SPTA1: variants seen among roughly 807,000 people sequenced by gnomAD.
SPTA1 encodes spectrin alpha, erythrocytic 1, also known as spectrin alpha chain, erythrocytic 1.
SPTA1 carries 177 observed loss-of-function variants against 324.7 expected under a neutral mutation model. The observed-to-expected ratio is 0.55, with a 90% CI of 0.48 to 0.62. SPTA1 has a LOEUF of 0.62. Ranked by LOEUF, SPTA1 falls within the 20% of genes least tolerant of loss-of-function variation. The pLI, the probability that SPTA1 is intolerant of heterozygous loss-of-function variation, is 0.00. For missense variants in SPTA1, 3,162 were observed against 2,883.6 expected, an observed-to-expected ratio of 1.10 and a Z score of -2.21; for synonymous variants, 1,195 against 1,041.3, an observed-to-expected ratio of 1.15 and a Z score of -2.84.
In SPTA1 at chr1:158,657,588, A is replaced by G; in HGVS notation, c.2694T>C (p.Asn898=). The G allele has an allele frequency of 6.2e-7, 1 of 1,614,066 alleles. No homozygotes were observed. Among genetic ancestry groups the G allele is most frequent in the Non-Finnish European group, 8.5e-7 (1 of 1,179,996 alleles). ...CAGCCAGGTACTGCTGGAACTGGAC[A>G]TTGGCTTCAAGATCATTTTGTCGCC... The part of the protein sequence containing the change: ...AARRQNDLEA[N]VQFQQYLADL... The change falls in exon 19 of 52, where the codon AAT becomes AAC. Residue 898 remains asparagine (N), a synonymous_variant. Coordinates refer to ENST00000643759, the MANE Select transcript of SPTA1 (RefSeq NM_003126.4).
At chr1:158,647,332 T>G (rs959913739) in intron 27 of SPTA1, among the ~76,000 whole-genome samples, 1 of 152,228 alleles carries the variant, frequency 6.6e-6, no homozygotes, top group Non-Finnish European at 1.5e-5. Flanking sequence ...AGAAGCTTAC[T>G]TAATTGGCCT....
intron 35 of SPTA1, chr1:158,639,187 G>T: frequency 4.1e-6 from 1 of 241,940 alleles, no homozygotes; most frequent in South Asian, 5.5e-5. Context: ...TTTCCAGAGT[G>T]TTTGTGTAGT....
At chr1:158,660,187 C>T (rs924852345) in intron 18 of SPTA1, among the ~76,000 whole-genome samples, 1 of 152,078 alleles carries the variant, frequency 6.6e-6, no homozygotes, top group Non-Finnish European at 1.5e-5. Flanking sequence ...TTGATGATTG[C>T]ACTAAGTGTA....
At chr1:158,683,712 A>G (rs896825230) in intron 2 of SPTA1, among the ~76,000 whole-genome samples, 1 of 152,108 alleles carries the variant, frequency 6.6e-6, no homozygotes, top group Non-Finnish European at 1.5e-5. Flanking sequence ...CTTATTTTAA[A>G]GGCTCAATAG....
intron 18 of SPTA1, among the ~76,000 whole-genome samples, chr1:158,659,330 G>C (rs1653038242): frequency 6.6e-6 from 1 of 152,008 alleles, no homozygotes; most frequent in African/African-American, 2.4e-5. Flanking sequence ...TCCTGGAATA[G>C]TGGCTTTCAA....
chr1:158,615,546 C>T, intron 47 of SPTA1, 143 bp from the exon 48 acceptor site: 1 of 754,534 alleles, frequency 1.3e-6, no homozygotes, highest in Non-Finnish European at 2.2e-6. Flanking sequence ...TTGGGAAAAC[C>T]ACTTCACTTC....
In SPTA1 at chr1:158,611,122, C is replaced by T. The variant is rs1649226334; in HGVS notation, c.*142G>A. The T allele has an allele frequency of 2.8e-6, 3 of 1,070,328 alleles. No individual in the cohort carries two copies. The East Asian group carries it at 7.9e-5, about 28-fold the overall frequency. 66.3% of individuals were successfully genotyped at this position (1,070,328 alleles called of 1,614,324 possible). ...TCCTACAATAAATGTAATATGCACA[C>T]AAACACAAGCACACACACACACACA... On this transcript the variant is annotated 3_prime_UTR_variant, in exon 52 of 52. Transcript: ENST00000643759.
rs750768187 is a variant in SPTA1, at chr1:158,649,958, C to A, written c.3478-11G>T. On this transcript the variant is annotated splice_polypyrimidine_tract_variant and intron_variant, in intron 24 of 51. Transcript: ENST00000643759. The stretch of plus-strand genomic sequence containing the variant: ...GCGGGAATTCAATTCCTAAAAGAGG[C>A]AAAAACATCAGACTTGAGACAGAGA... 2 of 1,592,660 alleles carry A rather than the reference C, an allele frequency of 1.3e-6. No homozygotes were observed. Among genetic ancestry groups the A allele is most frequent in the Non-Finnish European group, 1.7e-6 (2 of 1,161,784 alleles).
At chr1:158,674,915 T>A (rs953957694) in intron 8 of SPTA1, among the ~76,000 whole-genome samples, 3 of 152,130 alleles carry the variant, frequency 2.0e-5, no homozygotes, top group African/African-American at 7.2e-5. Flanking sequence ...ATGTGACCCA[T>A]GAGCATTACA....
intron 2 of SPTA1, among the ~76,000 whole-genome samples, chr1:158,684,257 A>G (rs1479739350): frequency 1.3e-5 from 2 of 152,012 alleles, no homozygotes; most frequent in African/African-American, 4.8e-5. Context: ...TTTAGGAAAA[A>G]CTTAAGAGCC....
At chr1:158,638,328 G>A in intron 35 of SPTA1, 87 bp from the exon 36 acceptor site, 1 of 1,305,574 alleles carries the variant, frequency 7.7e-7, no homozygotes, top group Non-Finnish European at 1.1e-6. Flanking sequence ...CTGGCTCAAA[G>A]ACTGGGCCAA....
In SPTA1 at chr1:158,653,402, A is replaced by G. The variant is rs1210331405; in HGVS notation, c.3060T>C (p.Ala1020=). The G allele has an allele frequency of 6.2e-7, 1 of 1,614,008 alleles. No individual in the cohort carries two copies. The highest frequency in any genetic ancestry group is 1.3e-5 in the African/African-American group (1 of 74,918). ...INKDWWKVEA[A]DHQGIVPAVY... ...CAGCTGGGACAATGCCCTGATGATC[A>G]GCAGCTTCCACCTTCCACCAGTCCT... The change falls in exon 22 of 52, where the codon GCT becomes GCC. Residue 1020 remains alanine (A), a synonymous_variant. Coordinates refer to ENST00000643759, the MANE Select transcript of SPTA1 (RefSeq NM_003126.4).
In SPTA1 at chr1:158,666,354, T is replaced by C. The variant is rs200438116; in HGVS notation, c.2182A>G (p.Lys728Glu). The C allele has an allele frequency of 6.1e-5, 98 of 1,613,932 alleles. 2 individuals are homozygous for C. In the African/African-American group the frequency reaches 1.0e-3, roughly 17 times the overall value. Reference protein sequence around the residue: ...GLAEVQNRLRKHGLLESAVAA... With the variant: ...GLAEVQNRLREHGLLESAVAA... ...ACAGCCGACTCCAGGAGGCCGTGTTTCCTGAGTCGATTCTGTACCTCGGCC... is the reference window on the plus strand; with the variant it reads ...ACAGCCGACTCCAGGAGGCCGTGTTCCCTGAGTCGATTCTGTACCTCGGCC... The change falls in exon 16 of 52, where the codon AAA becomes GAA. Residue 728 changes from lysine to glutamate, a missense_variant. By Grantham distance (56) the Lys-to-Glu change is moderately conservative. Transcript: ENST00000643759.
chr1:158,680,054 C>G (rs1010783752), intron 5 of SPTA1, among the ~76,000 whole-genome samples: 1 of 152,016 alleles, frequency 6.6e-6, no homozygotes, highest in Non-Finnish European at 1.5e-5. Flanking sequence ...TACATGTAAA[C>G]TTATATATAT....
At chr1:158,613,071 G>T in intron 50 of SPTA1, 110 bp from the exon 51 acceptor site, 1 of 1,217,072 alleles carries the variant, frequency 8.2e-7, no homozygotes, top group Non-Finnish European at 1.2e-6. Flanking sequence ...TTCTCCAAGT[G>T]CCTCTTCCAA....
rs1275802227 is a variant in SPTA1, at chr1:158,672,070, T to G, written c.1477A>C (p.Ser493Arg). The change falls in exon 11 of 52, where the codon AGT (serine) becomes CGT (arginine). Residue 493 changes from serine to arginine, a missense_variant. Physicochemically the swap from Ser to Arg is moderately radical, Grantham distance 110. Coordinates refer to ENST00000643759, the MANE Select transcript of SPTA1 (RefSeq NM_003126.4). Reference sequence around the variant, plus strand: ...ACCCCTCCCGTTACCTCTTGTCTACTCATCCAACTGTCCACTTGCTCACTG... The same window carrying G: ...ACCCCTCCCGTTACCTCTTGTCTACGCATCCAACTGTCCACTTGCTCACTG... ...RDSEQVDSWM[S>R]RQEAFLENED... 1.1e-5 allele frequency: 18 copies of G among 1,613,866 alleles called. No homozygotes were observed. The highest frequency in any genetic ancestry group is 4.0e-5 in the African/African-American group (3 of 74,898).
At chr1:158,644,510 C>T (rs1227816427) in intron 29 of SPTA1, 114 bp from the exon 30 acceptor site, 2 of 1,241,554 alleles carry the variant, frequency 1.6e-6, no homozygotes, top group East Asian at 4.7e-5. Flanking sequence ...TACTTACCAT[C>T]TTCCAAGAAA....
chr1:158,611,957 A>G, intron 51 of SPTA1: 1 of 156,392 alleles, frequency 6.4e-6, no homozygotes, highest in Non-Finnish European at 1.4e-5. Context: ...AGACCACATC[A>G]TTTTCTTTTT....
intron 18 of SPTA1, among the ~76,000 whole-genome samples, chr1:158,658,866 G>A (rs1289329694): frequency 1.3e-5 from 2 of 152,050 alleles, no homozygotes. Flanking sequence ...CTGGAAGAAA[G>A]AAGTTGTCAA....
Sources: gnomAD v4.1 joint callset for allele counts (sites outside exome capture counted in the v4.1 genomes callset) on GRCh38, gnomAD v4.1.1 for gene constraint, MANE v1.5 for transcripts, NCBI Gene and HGNC (gene_info 2026-07-23, HGNC 2026-07-21) for gene names.